The following CNTNAP2 variants were observed in gnomAD, a reference collection of about 807,000 sequenced individuals.
CNTNAP2 encodes contactin-associated protein-like 2.
CNTNAP2 carries 98 observed loss-of-function variants against 155.2 expected under a neutral mutation model. The observed-to-expected ratio is 0.63, with a 90% CI of 0.54 to 0.75. The LOEUF (loss-of-function observed/expected upper bound fraction) is 0.75. Among genes scored for constraint, CNTNAP2 ranks in the 30% least tolerant of loss-of-function variants. The probability of loss-of-function intolerance (pLI) is 0.00; values close to 1 mark genes in which losing one functional copy is unlikely to be tolerated. For synonymous variants in CNTNAP2, 651 were observed against 631.2 expected (o/e 1.03, Z -0.47); for missense variants, 1,727 against 1,688.1 (o/e 1.02, Z -0.40).
intron 1 of CNTNAP2, among the ~76,000 whole-genome samples, chr7:146,581,978 T>C (rs1047681573): frequency 4.6e-5 from 7 of 152,128 alleles, no homozygotes; most frequent in African/African-American, 7.2e-5. Flanking sequence ...CATAAATAGC[T>C]GTAATACAAT....
intron 19 of CNTNAP2, among the ~76,000 whole-genome samples, chr7:148,226,080 G>A (rs2116772481): frequency 6.6e-6 from 1 of 152,234 alleles, no homozygotes; most frequent in African/African-American, 2.4e-5. Flanking sequence ...CTCACTCTTA[G>A]TAAGAAACTA....
At chr7:146,505,100 T>C (rs1797363141) in intron 1 of CNTNAP2, among the ~76,000 whole-genome samples, 1 of 152,138 alleles carries the variant, frequency 6.6e-6, no homozygotes, top group African/African-American at 2.4e-5. Flanking sequence ...GCATCCCCTA[T>C]CCAAAGCTGC....
intron 1 of CNTNAP2, among the ~76,000 whole-genome samples, chr7:146,550,694 A>G (rs1798109069): frequency 6.6e-6 from 1 of 152,096 alleles, no homozygotes; most frequent in Non-Finnish European, 1.5e-5. Context: ...TTTATATACT[A>G]GACCAAGAAC....
chr7:146,358,564 A>G (rs993471825), intron 1 of CNTNAP2, among the ~76,000 whole-genome samples: 4 of 152,198 alleles, frequency 2.6e-5, no homozygotes, highest in Non-Finnish European at 5.9e-5. Flanking sequence ...TCAAAGGAAG[A>G]TATTCCAGCT....
chr7:146,691,065 T>A (rs1800690180), intron 1 of CNTNAP2, among the ~76,000 whole-genome samples: 2 of 152,158 alleles, frequency 1.3e-5, no homozygotes, highest in African/African-American at 4.8e-5. Context: ...AATACCTGCA[T>A]GTTATATGAT....
At chr7:147,897,118 G>C (rs1283808155) in intron 13 of CNTNAP2, 2 of 152,180 alleles carry the variant, frequency 1.3e-5, no homozygotes, top group African/African-American at 4.8e-5. Context: ...CCTAGAGTAT[G>C]TTCCTTGTAG....
At chr7:146,309,519 A>C (rs1370916945) in intron 1 of CNTNAP2, among the ~76,000 whole-genome samples, 3 of 152,150 alleles carry the variant, frequency 2.0e-5, no homozygotes, top group Non-Finnish European at 4.4e-5. Flanking sequence ...AAGGAGAAAT[A>C]GGTGGGGCGC....
chr7:147,289,498 A>AG (rs1805255735), intron 8 of CNTNAP2, among the ~76,000 whole-genome samples: 1 of 152,148 alleles, frequency 6.6e-6, no homozygotes, highest in South Asian at 2.1e-4. Flanking sequence ...AAGAAAGGAA[A>AG]GAAGGAAGGA....
intron 4 of CNTNAP2, among the ~76,000 whole-genome samples, chr7:147,051,011 T>C (rs1799460932): frequency 6.6e-6 from 1 of 152,060 alleles, no homozygotes. Flanking sequence ...AATAGTCTTC[T>C]TCTAAGGACA....
intron 1 of CNTNAP2, among the ~76,000 whole-genome samples, chr7:146,158,343 G>T (rs561502954): frequency 6.6e-6 from 1 of 152,292 alleles, no homozygotes; most frequent in South Asian, 2.1e-4. Flanking sequence ...TCCTCCAAAG[G>T]AACGCAGCTC....
chr7:146,484,178 G>T (rs1299614516), intron 1 of CNTNAP2, among the ~76,000 whole-genome samples: 11 of 152,188 alleles, frequency 7.2e-5, no homozygotes, highest in Admixed American at 7.2e-4. Context: ...GCAATAGGCT[G>T]TACCATATAG....
intron 19 of CNTNAP2, among the ~76,000 whole-genome samples, chr7:148,220,744 G>A (rs1253281857): frequency 1.3e-5 from 2 of 152,006 alleles, no homozygotes; most frequent in Non-Finnish European, 2.9e-5. Flanking sequence ...TAATCAGAAA[G>A]ATGAAAACAG....
At chr7:147,664,077 G>A (rs1795658373) in intron 13 of CNTNAP2, among the ~76,000 whole-genome samples, 1 of 152,194 alleles carries the variant, frequency 6.6e-6, no homozygotes, top group Non-Finnish European at 1.5e-5. Context: ...GTCAACTAGT[G>A]CATTATTTTG....
intron 14 of CNTNAP2, chr7:147,940,303 T>TAAAAAAAAAAAAAAAAAAA (rs59484615): frequency 3.1e-4 from 28 of 91,686 alleles, no homozygotes; most frequent in African/African-American, 1.1e-3. Flanking sequence ...CCTGTCTCTT[T>TAAAAAAAAAAAAAAAAAAA]AAAAAAAAAA....
At chr7:146,198,944 T>C (rs1392508364) in intron 1 of CNTNAP2, among the ~76,000 whole-genome samples, 1 of 152,204 alleles carries the variant, frequency 6.6e-6, no homozygotes, top group African/African-American at 2.4e-5. Context: ...TATATCAACA[T>C]ATACTACATT....
chr7:147,621,883 G>C (rs1425884740), intron 12 of CNTNAP2, among the ~76,000 whole-genome samples: 1 of 151,698 alleles, frequency 6.6e-6, no homozygotes, highest in Non-Finnish European at 1.5e-5. Context: ...TGCCTACAAG[G>C]AACACACTTC....
At chr7:146,760,409 CTTTTTTTTTTTTTTTTTTTT>C (rs532820418) in intron 1 of CNTNAP2, among the ~76,000 whole-genome samples, 22 of 56,276 alleles carry the variant, frequency 3.9e-4, no homozygotes, top group East Asian at 8.0e-4. Flanking sequence ...TCCAATTTAC[CTTTTTTTTTTTTTTTTTTTT>C]TTTTTTTTTT....
intron 1 of CNTNAP2, among the ~76,000 whole-genome samples, chr7:146,664,231 G>A (rs997338016): frequency 1.4e-5 from 2 of 141,284 alleles, no homozygotes; most frequent in African/African-American, 5.2e-5. Flanking sequence ...GCATGATCTC[G>A]GGTCACTGCA....
chr7:146,594,537 G>A (rs1222253699), intron 1 of CNTNAP2, among the ~76,000 whole-genome samples: 2 of 151,490 alleles, frequency 1.3e-5, no homozygotes, highest in African/African-American at 2.4e-5. Context: ...TAAACTTTTT[G>A]TTTTCTTTTT....
Sources: allele counts gnomAD v4.1 joint callset (sites outside exome capture counted in the v4.1 genomes callset), GRCh38; gene constraint gnomAD v4.1.1; transcripts MANE v1.5; gene names NCBI Gene and HGNC (gene_info 2026-07-23, HGNC 2026-07-21).